The following DNAH8 variants were observed in gnomAD, a reference collection of about 807,000 sequenced individuals.
The protein encoded by DNAH8 is axonemal beta dynein heavy chain 8.
Under a neutral mutation model 562.1 loss-of-function variants are expected in DNAH8, and 382 were observed. The observed-to-expected ratio is 0.68, with a 90% CI of 0.63 to 0.74. The LOEUF is 0.74. Among genes scored for constraint, DNAH8 ranks in the 30% least tolerant of loss-of-function variants. The probability of loss-of-function intolerance (pLI) is 0.00; values close to 1 mark genes in which losing one functional copy is unlikely to be tolerated. For missense variants in DNAH8, 5,203 were observed against 5,620.4 expected (o/e 0.93, Z 2.37); for synonymous variants, 1,881 against 1,919.4 (o/e 0.98, Z 0.52).
chr6:38,907,932 C>A (rs770865634), intron 63 of DNAH8, 24 bp from the exon 64 acceptor site: 8 of 1,542,454 alleles, frequency 5.2e-6, no homozygotes, highest in Non-Finnish European at 7.0e-6. Context: ...AAACACAGAA[C>A]ACTTCCTTGT....
Position 38,807,623 on chromosome 6 carries a change from T to A in DNAH8, c.3164T>A (p.Val1055Asp). The A allele has an allele frequency of 6.5e-7, 1 of 1,549,774 alleles. No individual in the cohort carries two copies. Among genetic ancestry groups the A allele is most frequent in the Non-Finnish European group, 8.7e-7 (1 of 1,151,038 alleles). The change falls in exon 24 of 93, where the codon GTC (valine) becomes GAC (aspartate). Residue 1055 changes from valine (V) to aspartate (D), a missense_variant. Around this residue, in one of 6 missense-constraint regions of DNAH8, gnomAD observed 2,176 missense variants for 2,365.1 expected, o/e 0.92. Transcript: ENST00000327475. ...EDEFKKECKEVFAFFSHQLLD... is the reference protein window; with the variant it reads ...EDEFKKECKEDFAFFSHQLLD... ...TTCTTATTACAGGAGTGTAAAGAGG[T>A]CTTTGCTTTTTTCTCTCATCAATTA...
intron 58 of DNAH8, among the ~76,000 whole-genome samples, chr6:38,891,385 A>T (rs1779330220): frequency 6.6e-6 from 1 of 152,262 alleles, no homozygotes. Flanking sequence ...TTTGACAAAA[A>T]GCCATGAAGG....
Position 38,771,151 on chromosome 6 carries a change from C to T in DNAH8, c.1764+592C>T, listed in dbSNP as rs933107449. Among the ~76,000 whole-genome samples the T allele has an allele frequency of 3.3e-5, 5 of 152,138 alleles. No homozygotes were observed. The East Asian group carries it at 7.7e-4, about 23-fold the overall frequency. On this transcript the variant is annotated intron_variant, in intron 12 of 92. Coordinates refer to ENST00000327475, the MANE Select transcript of DNAH8 (RefSeq NM_001206927.2). ...CATTTAGGTATTCTTCCCCCAACTT[C>T]GCTAATTCCCTGGATCCTGCTAGTA...
chr6:38,929,738 AAGAG>A, intron 75 of DNAH8, 72 bp downstream of exon 75: 7 of 1,332,762 alleles, frequency 5.3e-6, no homozygotes, highest in Non-Finnish European at 6.9e-6. Flanking sequence ...AAAATTAAGA[AAGAG>A]AAAGAAAGAA....
chr6:39,008,075 T>C (rs776486243), intron 88 of DNAH8, among the ~76,000 whole-genome samples: 10 of 151,652 alleles, frequency 6.6e-5, no homozygotes, highest in Non-Finnish European at 1.3e-4. Context: ...AGAGTGGGAA[T>C]GAGAGAATCA....
chr6:38,907,315 C>T (rs1434611903), intron 63 of DNAH8, among the ~76,000 whole-genome samples: 2 of 152,210 alleles, frequency 1.3e-5, no homozygotes, highest in African/African-American at 4.8e-5. Flanking sequence ...ACTTGAGATT[C>T]AGAGTCCAGT....
rs1214317879 is a variant in DNAH8, at chr6:38,723,433, A to G, written c.487A>G (p.Ile163Val). ...EILAENLGLD[I>V]VTVEELILDC... ...TCTAGCAGAAAATCTTGGCCTGGAC[A>G]TAGTAACTGTTGAAGAATTAATTTT... Residue 163 changes from isoleucine to valine, a missense_variant, in exon 3 of 93, where the codon ATA becomes GTA. By Grantham distance (29) the Ile-to-Val change is conservative. Transcript: ENST00000327475. 5.6e-6 allele frequency: 9 copies of G among 1,610,918 alleles called. No individual in the cohort carries two copies. The Admixed American group carries it at 1.5e-4, about 27-fold the overall frequency.
intron 47 of DNAH8, 146 bp downstream of exon 47, chr6:38,867,022 G>A: frequency 3.4e-6 from 2 of 585,104 alleles, no homozygotes; most frequent in East Asian, 5.6e-5. Flanking sequence ...CCTATTGGTT[G>A]TGTATTTTTA....
At chr6:38,911,338 C>A in intron 65 of DNAH8, 130 bp from the exon 66 acceptor site, 2 of 757,146 alleles carry the variant, frequency 2.6e-6, no homozygotes, top group Admixed American at 2.1e-5. Flanking sequence ...TCTGAGAAAC[C>A]TTGCTCAAGT....
At chr6:38,957,191 T>C (rs1266873968) in intron 82 of DNAH8, among the ~76,000 whole-genome samples, 1 of 151,882 alleles carries the variant, frequency 6.6e-6, no homozygotes, top group African/African-American at 2.4e-5. Flanking sequence ...AGAAGGCCAT[T>C]ATACAGTGAT....
intron 43 of DNAH8, among the ~76,000 whole-genome samples, chr6:38,861,949 G>GTTTTTTTTTTTTTTTTTTTTT (rs10677373): frequency 7.4e-6 from 1 of 134,690 alleles, no homozygotes. Flanking sequence ...TGAAAACCAG[G>GTTTTTTTTTTTTTTTTTTTTT]TTTTTTTTTT....
At chr6:38,893,413 G>T (rs1779467698) in intron 58 of DNAH8, among the ~76,000 whole-genome samples, 1 of 152,030 alleles carries the variant, frequency 6.6e-6, no homozygotes, top group South Asian at 2.1e-4. Context: ...ATAATGAGAA[G>T]AAGAAGGAAA....
intron 88 of DNAH8, among the ~76,000 whole-genome samples, chr6:39,002,468 C>T (rs566858268): frequency 5.9e-5 from 9 of 152,194 alleles, no homozygotes; most frequent in East Asian, 1.9e-4. Context: ...TTTTCTTATA[C>T]GGTACTTTAT....
intron 3 of DNAH8, among the ~76,000 whole-genome samples, chr6:38,729,180 G>A (rs1366815214): frequency 6.6e-6 from 1 of 151,716 alleles, no homozygotes; most frequent in Non-Finnish European, 1.5e-5. Flanking sequence ...TCCAGCCTGG[G>A]TGACAGAGCG....
intron 88 of DNAH8, among the ~76,000 whole-genome samples, chr6:38,994,087 C>A (rs1764972930): frequency 6.6e-6 from 1 of 152,104 alleles, no homozygotes; most frequent in Non-Finnish European, 1.5e-5. Context: ...GGCATTTGAA[C>A]CTTCACCAAT....
intron 62 of DNAH8, among the ~76,000 whole-genome samples, chr6:38,903,612 CTTTTTTTTT>C (rs756414599): frequency 7.7e-6 from 1 of 129,444 alleles, no homozygotes; most frequent in Admixed American, 8.4e-5. Flanking sequence ...TTCTTTCTTC[CTTTTTTTTT>C]TTTTTTTTTG....
chr6:38,736,725 A>AG lies in DNAH8; in HGVS notation c.763-342_763-341insG, dbSNP rs566824951. ...GGGCTTTTCACCAGAAAAAAAAAAA[A>AG]TCATGGACAGGGCAACTTTCAACGG... On this transcript the variant is annotated intron_variant, in intron 5 of 92. Coordinates refer to ENST00000327475, the MANE Select transcript of DNAH8 (RefSeq NM_001206927.2). Among the ~76,000 whole-genome samples the AG allele has an allele frequency of 9.0e-3, 1,335 of 148,994 alleles. 16 individuals carry two copies. Among genetic ancestry groups the AG allele is most frequent in the Non-Finnish European group, 0.014 (961 of 66,710 alleles).
At chr6:38,735,469 A>G (rs936591238) in intron 5 of DNAH8, among the ~76,000 whole-genome samples, 1 of 152,154 alleles carries the variant, frequency 6.6e-6, no homozygotes, top group East Asian at 1.9e-4. Context: ...CACTCCTGTT[A>G]GTGTAATTCA....
chr6:38,848,714 A>G lies in DNAH8; in HGVS notation c.5112A>G (p.Ile1704Met). Reference sequence around the variant, plus strand: ...ATAAATTGTCCACTTCCTCAGATATAATTGAAGAGTGGCTCGTAGTACAGA... The same window carrying G: ...ATAAATTGTCCACTTCCTCAGATATGATTGAAGAGTGGCTCGTAGTACAGA... The part of the protein sequence containing the change: ...WVYKLSTSSD[I>M]IEEWLVVQNL... Residue 1704 changes from isoleucine to methionine, a missense_variant, in exon 37 of 93, where the codon ATA becomes ATG. Coordinates refer to ENST00000327475, the MANE Select transcript of DNAH8 (RefSeq NM_001206927.2). The G allele has an allele frequency of 1.2e-6, 2 of 1,612,380 alleles. No individual in the cohort carries two copies. Among genetic ancestry groups the G allele is most frequent in the African/African-American group, 1.3e-5 (1 of 74,998 alleles).
Sources: gnomAD v4.1 joint callset for allele counts (sites outside exome capture counted in the v4.1 genomes callset) on GRCh38, gnomAD v4.1.1 for gene constraint, gnomAD v4.1.1 regional missense constraint, MANE v1.5 for transcripts, NCBI Gene and HGNC (gene_info 2026-07-23, HGNC 2026-07-21) for gene names.